The following NSD1 variants were observed in gnomAD, a reference collection of about 807,000 sequenced individuals.
NSD1 encodes the protein histone-lysine N-methyltransferase, H3 lysine-36 specific.
Under a neutral mutation model 242.7 loss-of-function variants are expected in NSD1, and 26 were observed. That is an observed-to-expected ratio of 0.11 (90% CI 0.08 to 0.15). The LOEUF is 0.15. Among genes scored for constraint, NSD1 ranks in the 10% least tolerant of loss-of-function variants. The probability of loss-of-function intolerance (pLI) is 1.00; values close to 1 mark genes in which losing one functional copy is unlikely to be tolerated. For missense variants in NSD1, 2,495 were observed against 3,272.8 expected (o/e 0.76, Z 5.80); for synonymous variants, 1,106 against 1,178.1 (o/e 0.94, Z 1.25).
intron 12 of NSD1, among the ~76,000 whole-genome samples, chr5:177,255,908 C>G (rs917109728): frequency 1.3e-5 from 2 of 152,160 alleles, no homozygotes; most frequent in African/African-American, 4.8e-5. Flanking sequence ...TTAAGACATA[C>G]ACCAGGGTAG....
intron 2 of NSD1, among the ~76,000 whole-genome samples, chr5:177,182,909 A>G (rs1010869068): frequency 5.9e-5 from 9 of 152,166 alleles, no homozygotes; most frequent in African/African-American, 2.2e-4. Flanking sequence ...AAGTGCTGGC[A>G]TTACAGGCGT....
chr5:177,149,227 T>TC (rs1164410726), intron 2 of NSD1, among the ~76,000 whole-genome samples: 1 of 152,030 alleles, frequency 6.6e-6, no homozygotes, highest in African/African-American at 2.4e-5. Context: ...ATGTTTTGTT[T>TC]TTTTTTTTGA....
Position 177,251,860 on chromosome 5 carries a change from T to C in NSD1, c.4765+7T>C, listed in dbSNP as rs892211579. 1.9e-6 allele frequency: 3 copies of C among 1,614,058 alleles called. No individual in the cohort carries two copies. Among genetic ancestry groups the C allele is most frequent in the Non-Finnish European group, 2.5e-6 (3 of 1,180,008 alleles). ...TGCAATGAATGTCGCACAGGTAAAGTAGATATCGAACGGTCTTCCTCCAAA... is the reference window on the plus strand; with the variant it reads ...TGCAATGAATGTCGCACAGGTAAAGCAGATATCGAACGGTCTTCCTCCAAA... On this transcript the variant is annotated splice_region_variant and intron_variant, in intron 12 of 22. Coordinates refer to ENST00000439151, the MANE Select transcript of NSD1 (RefSeq NM_022455.5).
rs138385964 is a variant in NSD1 at position 177,274,697 on chromosome 5, TTGTGTG to T, written c.5622+939_5622+944del. ...AATGCATTATTTGTTCACTTATCCT[TTGTGTG>T]TGTGTGTGTGTGTGTGTGTGTGTGT... is the stretch of plus-strand genomic sequence containing the variant. On this transcript the variant is annotated intron_variant, in intron 17 of 22. Transcript: ENST00000439151. Among the ~76,000 whole-genome samples, 696 of 145,440 alleles carry T rather than the reference TTGTGTG, an allele frequency of 4.8e-3. 6 individuals carry two copies. Among genetic ancestry groups the T allele is most frequent in the African/African-American group, 0.016 (628 of 39,554 alleles).
intron 11 of NSD1, among the ~76,000 whole-genome samples, chr5:177,251,001 C>A (rs1020665377): frequency 6.6e-6 from 1 of 152,044 alleles, no homozygotes; most frequent in African/African-American, 2.4e-5. Flanking sequence ...ACCAGCCTGG[C>A]CAACGTGGTG....
chr5:177,291,798 G>GT (rs1437439000), intron 21 of NSD1, among the ~76,000 whole-genome samples, 156 bp from the exon 22 acceptor site: 2 of 152,104 alleles, frequency 1.3e-5, no homozygotes, highest in African/African-American at 4.8e-5. Context: ...TTATTGCTAC[G>GT]TATCTGTGAT....
At chr5:177,199,609 CT>C (rs981231265) in intron 3 of NSD1, among the ~76,000 whole-genome samples, 2 of 148,256 alleles carry the variant, frequency 1.3e-5, no homozygotes, top group African/African-American at 2.5e-5. Context: ...CTTTTCTTTT[CT>C]TTTTTTTTGA....
intron 4 of NSD1, among the ~76,000 whole-genome samples, chr5:177,209,302 C>T (rs1290334633): frequency 3.3e-5 from 5 of 151,390 alleles, no homozygotes; most frequent in Admixed American, 2.0e-4. Context: ...CTGAGGTGAG[C>T]GGATCACTTC....
At chr5:177,141,847 T>G (rs1248457982) in intron 2 of NSD1, among the ~76,000 whole-genome samples, 2 of 152,170 alleles carry the variant, frequency 1.3e-5, no homozygotes, top group Non-Finnish European at 2.9e-5. Flanking sequence ...TTTTTATTTT[T>G]CCTTTGGACA....
intron 2 of NSD1, among the ~76,000 whole-genome samples, chr5:177,171,484 G>A (rs542840073): frequency 2.0e-5 from 3 of 152,154 alleles, no homozygotes; most frequent in South Asian, 4.1e-4. Flanking sequence ...TTAGCATGAT[G>A]TTTTGCAGGT....
chr5:177,283,057 G>A (rs1156418319), intron 19 of NSD1, among the ~76,000 whole-genome samples: 1 of 152,010 alleles, frequency 6.6e-6, no homozygotes, highest in Non-Finnish European at 1.5e-5. Flanking sequence ...GGGTTCAAGC[G>A]ATTCTTCTGC....
At chr5:177,202,520 A>G (rs1762586510) in intron 3 of NSD1, among the ~76,000 whole-genome samples, 1 of 152,136 alleles carries the variant, frequency 6.6e-6, no homozygotes, top group South Asian at 2.1e-4. Context: ...ATGGGACTAC[A>G]GGCACATGCC....
At position 177,214,236 on chromosome 5, in the gene NSD1, G is replaced by A. The variant is rs1241085164; in HGVS notation, c.3796+2041G>A. Among the ~76,000 whole-genome samples the A allele has an allele frequency of 4.6e-5, 7 of 152,166 alleles. No individual in the cohort carries two copies. The South Asian group carries it at 1.5e-3, about 32-fold the overall frequency. On this transcript the variant is annotated intron_variant, in intron 5 of 22. Coordinates refer to ENST00000439151, the MANE Select transcript of NSD1 (RefSeq NM_022455.5). Reference sequence around the variant, plus strand: ...AATACCAGCCACTCGGGAGGCTGAGGTAGGAGAATCACTTGAACCCGGGAG... The same window carrying A: ...AATACCAGCCACTCGGGAGGCTGAGATAGGAGAATCACTTGAACCCGGGAG...
chr5:177,265,476 T>TG (rs1757345827), intron 14 of NSD1: 1 of 630,568 alleles, frequency 1.6e-6, no homozygotes, highest in Non-Finnish European at 2.8e-6. Context: ...AAACCTCCTC[T>TG]GGGGGAGGGA....
intron 2 of NSD1, among the ~76,000 whole-genome samples, chr5:177,155,864 C>A (rs1049712225): frequency 1.3e-5 from 2 of 150,308 alleles, no homozygotes; most frequent in African/African-American, 4.9e-5. Flanking sequence ...CAAAATACAC[C>A]CAGGTAATTT....
At chr5:177,205,293 C>G (rs762879740) in intron 4 of NSD1, among the ~76,000 whole-genome samples, 8 of 152,162 alleles carry the variant, frequency 5.3e-5, no homozygotes, top group Non-Finnish European at 8.8e-5. Context: ...GCCTCAGCCT[C>G]CCAAAGTGCT....
intron 17 of NSD1, among the ~76,000 whole-genome samples, chr5:177,275,076 C>G (rs1758258486): frequency 6.6e-6 from 1 of 150,916 alleles, no homozygotes. Flanking sequence ...TACTTGGAGA[C>G]TAATTTGACC....
At chr5:177,246,927 T>C (rs1766345739) in intron 10 of NSD1, 131 bp downstream of exon 10, 1 of 713,444 alleles carries the variant, frequency 1.4e-6, no homozygotes, top group Non-Finnish European at 2.5e-6. Flanking sequence ...CCATAAGGAA[T>C]CTTGGAGGAA....
In NSD1 at chr5:177,297,673, G is replaced by A. The variant is rs1247411867; in HGVS notation, c.*2214G>A. ...AACTGTGAATTTGGGGGGGGCGGGG[G>A]GAGGGCGTGCAGGCCATGTAAAAAT... On this transcript the variant is annotated 3_prime_UTR_variant, in exon 23 of 23. Transcript: ENST00000439151. 8.7e-6 allele frequency: 1 copy of A among 115,408 alleles called. No individual in the cohort carries two copies. The highest frequency in any genetic ancestry group is 1.7e-5 in the Non-Finnish European group (1 of 59,084). The allele number at this position is 115,408 out of a possible 1,614,324, so 7.1% of individuals were successfully genotyped here. A position where few individuals can be genotyped will look rare whatever the true frequency, so the allele number is the denominator to read the frequency against.
Sources: allele counts gnomAD v4.1 joint callset (sites outside exome capture counted in the v4.1 genomes callset), GRCh38; gene constraint gnomAD v4.1.1; transcripts MANE v1.5; gene names NCBI Gene and HGNC (gene_info 2026-07-23, HGNC 2026-07-21).